PCDHGA4: variants seen among roughly 807,000 people sequenced by gnomAD.
PCDHGA4 encodes the protein protocadherin gamma-A4.
PCDHGA4 carries 38 observed loss-of-function variants against 54.6 expected under a neutral mutation model. The ratio of observed to expected loss-of-function variants is 0.70; its 90% CI spans 0.54 to 0.91. The LOEUF (loss-of-function observed/expected upper bound fraction) is 0.91. Ranked by LOEUF, PCDHGA4 falls within the 40% of genes least tolerant of loss-of-function variation. The pLI, the probability that PCDHGA4 is intolerant of heterozygous loss-of-function variation, is 0.00. For missense variants in PCDHGA4, 1,298 were observed against 1,220.9 expected, an observed-to-expected ratio of 1.06 and a Z score of -0.94; for synonymous variants, 511 against 512.9, an observed-to-expected ratio of 1.00 and a Z score of 0.05.
Position 141,418,737 on chromosome 5 carries a change from C to T in PCDHGA4, c.2514+61116C>T, listed in dbSNP as rs768683069. 7.4e-6 allele frequency: 12 copies of T among 1,613,960 alleles called. No homozygotes were observed. The South Asian group carries it at 1.3e-4, about 18-fold the overall frequency. ...GCTGACAAAGCTCAGCACGTGTTCT[C>T]TCTGGATTACACTACAGGAAACATT... On this transcript the variant is annotated intron_variant, in intron 1 of 3. Coordinates refer to ENST00000571252, the MANE Select transcript of PCDHGA4 (RefSeq NM_018917.4).
intron 1 of PCDHGA4, chr5:141,383,148 C>G (rs1326737910): frequency 6.2e-7 from 1 of 1,614,124 alleles, no homozygotes; most frequent in Non-Finnish European, 8.5e-7. Context: ...GCAGCGGCAG[C>G]TTGGTCACTG....
intron 1 of PCDHGA4, chr5:141,365,312 G>T: frequency 1.2e-6 from 2 of 1,614,006 alleles, no homozygotes; most frequent in African/African-American, 1.3e-5. Context: ...AGGCGCTCTT[G>T]TTGCCAGCGC....
chr5:141,418,821 C>G (rs750200042), intron 1 of PCDHGA4: 1 of 1,613,846 alleles, frequency 6.2e-7, no homozygotes, highest in Non-Finnish European at 8.5e-7. Flanking sequence ...AACATAGAAG[C>G]AAAAGACCGA....
chr5:141,409,275 A>G (rs1266955919), intron 1 of PCDHGA4: 1 of 1,614,020 alleles, frequency 6.2e-7, no homozygotes, highest in South Asian at 1.1e-5. Flanking sequence ...CAGATTTTGG[A>G]GAATTCACCT....
intron 1 of PCDHGA4, among the ~76,000 whole-genome samples, chr5:141,472,357 C>T (rs1020143523): frequency 2.4e-4 from 37 of 152,012 alleles, no homozygotes; most frequent in Non-Finnish European, 1.5e-4. Context: ...CTGGCTAACA[C>T]GGTGAAACCC....
chr5:141,476,912 G>A lies in PCDHGA4; in HGVS notation c.2515-17895G>A, dbSNP rs1196222770. 1.9e-6 allele frequency: 3 copies of A among 1,614,098 alleles called. No homozygotes were observed. Among genetic ancestry groups the A allele is most frequent in the Non-Finnish European group, 2.5e-6 (3 of 1,180,048 alleles). On this transcript the variant is annotated intron_variant, in intron 1 of 3. Coordinates refer to ENST00000571252, the MANE Select transcript of PCDHGA4 (RefSeq NM_018917.4). The surrounding 1 kb of genome is among the most constrained non-coding windows in gnomAD (Gnocchi z 7.6). Reference sequence around the variant, plus strand: ...ACCCTCCGGCACGCGCGTGGTACAAGTCCTTGCAACGGATCTGGATGAAGG... The same window carrying A: ...ACCCTCCGGCACGCGCGTGGTACAAATCCTTGCAACGGATCTGGATGAAGG...
intron 1 of PCDHGA4, among the ~76,000 whole-genome samples, chr5:141,452,988 T>C (rs2098753680): frequency 6.6e-6 from 1 of 152,228 alleles, no homozygotes; most frequent in Admixed American, 6.5e-5. Context: ...AGTACTGTGC[T>C]GAAAAGTTAC....
intron 1 of PCDHGA4, chr5:141,383,523 C>A (rs1337208290): frequency 1.2e-6 from 2 of 1,612,324 alleles, no homozygotes; most frequent in African/African-American, 2.7e-5. Flanking sequence ...AGCGGGTTCA[C>A]CACCTGGTCC....
At chr5:141,419,792 G>T (rs1379811891) in intron 1 of PCDHGA4, 15 of 1,613,924 alleles carry the variant, frequency 9.3e-6, no homozygotes, top group African/African-American at 2.7e-5. Flanking sequence ...CCTGCTAGTC[G>T]CTGTAAGAGA....
At chr5:141,418,000 G>A (rs758811293) in intron 1 of PCDHGA4, 6 of 1,613,902 alleles carry the variant, frequency 3.7e-6, no homozygotes, top group Admixed American at 1.7e-5. Context: ...GCTCGGTGGT[G>A]GGGAACCTCG....
chr5:141,384,221 A>C, intron 1 of PCDHGA4: 1 of 1,613,936 alleles, frequency 6.2e-7, no homozygotes, highest in Non-Finnish European at 8.5e-7. Flanking sequence ...ATATTCATGC[A>C]GGTGGCAGAC....
chr5:141,374,078 C>T, intron 1 of PCDHGA4: 1 of 1,516,122 alleles, frequency 6.6e-7, no homozygotes, highest in Non-Finnish European at 8.8e-7. Flanking sequence ...TCCTAATAAG[C>T]CAGTAATGGC....
At chr5:141,415,445 A>G (rs1225407576) in intron 1 of PCDHGA4, 7 of 1,614,202 alleles carry the variant, frequency 4.3e-6, no homozygotes, top group South Asian at 1.1e-5. Flanking sequence ...CTGCAGACCT[A>G]TTCCCACGAG....
At chr5:141,385,401 T>C in intron 1 of PCDHGA4, 1 of 1,490,222 alleles carries the variant, frequency 6.7e-7, no homozygotes, top group Non-Finnish European at 8.9e-7. Context: ...AAACAAATGT[T>C]TTGAAAATAG....
Position 141,486,998 on chromosome 5 carries a change from C to T in PCDHGA4, c.2515-7809C>T. 1.2e-6 allele frequency: 2 copies of T among 1,614,206 alleles called. No individual in the cohort carries two copies. Among genetic ancestry groups the T allele is most frequent in the Non-Finnish European group, 1.7e-6 (2 of 1,180,034 alleles). On this transcript the variant is annotated intron_variant, in intron 1 of 3. Transcript: ENST00000571252. The surrounding 1 kb of genome is among the most constrained non-coding windows in gnomAD (Gnocchi z 5.0). The stretch of plus-strand genomic sequence containing the variant: ...AGGTTACAATGCTTGGGTTTCCTAT[C>T]AGCTCCTGGAGGCCCCAGATCCCAG...
intron 1 of PCDHGA4, chr5:141,424,522 T>C (rs2096826398): frequency 6.6e-6 from 1 of 152,212 alleles, no homozygotes; most frequent in South Asian, 2.1e-4. Flanking sequence ...ATGTAGTAAA[T>C]CCATATATAG....
Position 141,477,780 on chromosome 5 carries a change from T to C in PCDHGA4, c.2515-17027T>C. On this transcript the variant is annotated intron_variant, in intron 1 of 3. Coordinates refer to ENST00000571252, the MANE Select transcript of PCDHGA4 (RefSeq NM_018917.4). The surrounding 1 kb of genome is among the most constrained non-coding windows in gnomAD (Gnocchi z 4.9). ...CTAGCCACCAACATCAGCGTGAACA[T>C]ATTTGTCACTGATCGCAATGACAAT... 6.2e-7 allele frequency: 1 copy of C among 1,614,048 alleles called. No homozygotes were observed. Among genetic ancestry groups the C allele is most frequent in the Non-Finnish European group, 8.5e-7 (1 of 1,180,030 alleles).
chr5:141,370,930 C>T lies in PCDHGA4; in HGVS notation c.2514+13309C>T, dbSNP rs753377715. ...TACCTCAGCCCTGATCCGCACTTCT[C>T]TTTGATTCAGAAGGAGAACCTGGAT... On this transcript the variant is annotated intron_variant, in intron 1 of 3. Transcript: ENST00000571252. 16 of 1,613,894 alleles carry T rather than the reference C, an allele frequency of 9.9e-6. No homozygotes were observed. The African/African-American group carries it at 2.1e-4, about 22-fold the overall frequency.
intron 1 of PCDHGA4, chr5:141,376,371 C>T: frequency 1.2e-6 from 2 of 1,614,196 alleles, no homozygotes; most frequent in African/African-American, 1.3e-5. Flanking sequence ...ACTGCAGACT[C>T]GCGTAAGAGT....
Sources: gnomAD v4.1 joint callset for allele counts (sites outside exome capture counted in the v4.1 genomes callset) on GRCh38, gnomAD v4.1.1 for gene constraint, Gnocchi (gnomAD v3.1) non-coding constraint, MANE v1.5 for transcripts, NCBI Gene and HGNC (gene_info 2026-07-23, HGNC 2026-07-21) for gene names.